The following COL5A2 variants were observed in gnomAD, a reference collection of about 807,000 sequenced individuals.
The protein encoded by COL5A2 is collagen alpha-2(V) chain.
A neutral mutation model predicts 208.2 loss-of-function variants in COL5A2; 23 were observed. The observed-to-expected ratio is 0.11, with a 90% CI of 0.08 to 0.16. The LOEUF (loss-of-function observed/expected upper bound fraction) is 0.16. Ranked by LOEUF, COL5A2 falls within the 10% of genes least tolerant of loss-of-function variation. The probability of loss-of-function intolerance (pLI) is 1.00; values close to 1 mark genes in which losing one functional copy is unlikely to be tolerated. For synonymous variants in COL5A2, 625 were observed against 628.5 expected (o/e 0.99, Z 0.08); for missense variants, 1,590 against 1,956.4 (o/e 0.81, Z 3.53).
chr2:189,036,306 G>A (rs1685442729), intron 52 of COL5A2, among the ~76,000 whole-genome samples: 1 of 152,042 alleles, frequency 6.6e-6, no homozygotes, highest in African/African-American at 2.4e-5. Context: ...TGGCACTATA[G>A]TTTATCACTT....
chr2:189,294,057 C>T, the COL5A2 span, among the ~76,000 whole-genome samples: 109 of 148,244 alleles, frequency 7.4e-4, no homozygotes, highest in African/African-American at 2.6e-3. Context: ...CACTGCACTC[C>T]AGCCTGGGCG....
At chr2:189,300,655 G>A in the COL5A2 span, among the ~76,000 whole-genome samples, 1 of 152,234 alleles carries the variant, frequency 6.6e-6, no homozygotes, top group Non-Finnish European at 1.5e-5. Flanking sequence ...AAGACTGGGT[G>A]TGTCTGAGAA....
the COL5A2 span, among the ~76,000 whole-genome samples, chr2:189,264,033 A>T: frequency 1.3e-5 from 2 of 152,172 alleles, no homozygotes; most frequent in African/African-American, 2.4e-5. Context: ...ATGTTCTCTG[A>T]CTATAAAGAA....
At chr2:189,195,956 G>C (rs1688996162) in intron 1 of COL5A2, among the ~76,000 whole-genome samples, 1 of 152,110 alleles carries the variant, frequency 6.6e-6, no homozygotes, top group African/African-American at 2.4e-5. Flanking sequence ...ATTGACAAAT[G>C]GTATCTAATT....
At chr2:189,318,449 T>C in the COL5A2 span, among the ~76,000 whole-genome samples, 2 of 152,228 alleles carry the variant, frequency 1.3e-5, no homozygotes, top group South Asian at 2.1e-4. Flanking sequence ...CTTATTCTTC[T>C]AGTTATTTGG....
In COL5A2 at chr2:189,206,392, AGAGG is replaced by A. The variant is rs566834556; in HGVS notation, c.-42+18752_-42+18755del. Among the ~76,000 whole-genome samples the A allele has an allele frequency of 1.4e-3, 213 of 152,356 alleles. 1 individual carries two copies. The highest frequency in any genetic ancestry group is 4.6e-3 in the African/African-American group (193 of 41,582). On this transcript the variant is annotated intron_variant, in intron 1 of 10. Transcript: ENST00000649966. Reference sequence around the variant, plus strand: ...CTAAGGGCCTACACTCAGCTTGAACAGAGGGCACATATGCTTTCATGCTACATGT... The same window carrying A: ...CTAAGGGCCTACACTCAGCTTGAACAGCACATATGCTTTCATGCTACATGT...
the COL5A2 span, among the ~76,000 whole-genome samples, chr2:189,349,822 A>G: frequency 6.6e-6 from 1 of 152,190 alleles, no homozygotes; most frequent in South Asian, 2.1e-4. Flanking sequence ...TTGACTAGTT[A>G]CAAAATTACA....
rs114894611 is a variant in COL5A2 at position 189,077,534 on chromosome 2, C to T, written c.1059+982G>A. Among the ~76,000 whole-genome samples, 1,078 of 152,254 alleles carry T rather than the reference C, an allele frequency of 7.1e-3. 13 individuals carry two copies. Among genetic ancestry groups the T allele is most frequent in the African/African-American group, 0.024 (995 of 41,566 alleles). On this transcript the variant is annotated intron_variant, in intron 16 of 53. Transcript: ENST00000374866. Reference sequence around the variant, plus strand: ...CCAATGCTGGGGCAGAAATGTCAGACCTCCCTTGGCAGACAGTAGAAGAAA... The same window carrying T: ...CCAATGCTGGGGCAGAAATGTCAGATCTCCCTTGGCAGACAGTAGAAGAAA...
the COL5A2 span, among the ~76,000 whole-genome samples, chr2:189,291,562 A>G: frequency 7.7e-4 from 117 of 152,220 alleles, no homozygotes; most frequent in African/African-American, 2.8e-3. Flanking sequence ...TTTTTTACAT[A>G]AATTTTATCA....
intron 7 of COL5A2, 62 bp from the exon 8 acceptor site, chr2:189,088,834 A>G: frequency 8.4e-7 from 1 of 1,188,918 alleles, no homozygotes; most frequent in East Asian, 2.3e-5. Flanking sequence ...CGTCCTTTTC[A>G]TATGGATAAA....
Position 189,056,759 on chromosome 2 carries a change from C to T in COL5A2, c.2391+214G>A, listed in dbSNP as rs1168078938. 14 of 606,738 alleles carry T rather than the reference C, an allele frequency of 2.3e-5. No homozygotes were observed. The East Asian group carries it at 3.9e-4, about 17-fold the overall frequency. The allele number at this position is 606,738 out of a possible 1,614,324, so 37.6% of individuals were successfully genotyped here. ...CCTTAAGGCACTTATCTCATAGGCACAATAAATATGTTTTTATTTAAGTTT... is the reference window on the plus strand; with the variant it reads ...CCTTAAGGCACTTATCTCATAGGCATAATAAATATGTTTTTATTTAAGTTT... On this transcript the variant is annotated intron_variant, in intron 35 of 53. Transcript: ENST00000374866.
chr2:189,098,720 T>G lies in COL5A2; in HGVS notation c.402+7A>C, dbSNP rs1426075786. The G allele has an allele frequency of 6.2e-7, 1 of 1,609,990 alleles. No homozygotes were observed. Among genetic ancestry groups the G allele is most frequent in the Non-Finnish European group, 8.5e-7 (1 of 1,176,482 alleles). On this transcript the variant is annotated splice_region_variant and intron_variant, in intron 5 of 53. Coordinates refer to ENST00000374866, the MANE Select transcript of COL5A2 (RefSeq NM_000393.5). ...GAGTACCAAGAATATTGGGAGAAAC[T>G]ACTTACTGCCGGTCCTGGACGACCA...
At chr2:189,374,375 C>T in the COL5A2 span, among the ~76,000 whole-genome samples, 1 of 151,286 alleles carries the variant, frequency 6.6e-6, no homozygotes, top group Admixed American at 6.6e-5. Context: ...CCCAATTTTA[C>T]CCTTTTGTTA....
intron 1 of COL5A2, among the ~76,000 whole-genome samples, chr2:189,191,994 G>C (rs1314883517): frequency 6.6e-6 from 1 of 152,006 alleles, no homozygotes; most frequent in Non-Finnish European, 1.5e-5. Flanking sequence ...AAGAAATGTG[G>C]ATGAATCAGT....
chr2:189,052,506 A>G (rs1685811504), intron 40 of COL5A2, among the ~76,000 whole-genome samples: 1 of 152,146 alleles, frequency 6.6e-6, no homozygotes, highest in African/African-American at 2.4e-5. Flanking sequence ...TTGTTTATTT[A>G]CTCTTTTATA....
chr2:189,059,542 T>C (rs866416325), intron 31 of COL5A2, among the ~76,000 whole-genome samples: 3 of 148,170 alleles, frequency 2.0e-5, no homozygotes, highest in Admixed American at 6.7e-5. Flanking sequence ...CCTAATCTTA[T>C]CATATTACTC....
the COL5A2 span, among the ~76,000 whole-genome samples, chr2:189,251,935 T>C: frequency 1.3e-5 from 2 of 151,942 alleles, no homozygotes; most frequent in African/African-American, 4.8e-5. Flanking sequence ...AACAACCCCA[T>C]CAACAAGTGG....
chr2:189,100,955 T>A (rs1427937933), intron 3 of COL5A2, among the ~76,000 whole-genome samples: 1 of 152,058 alleles, frequency 6.6e-6, no homozygotes, highest in African/African-American at 2.4e-5. Context: ...GGATGAATTG[T>A]AGCTTTATCT....
rs1553517323 is a variant in COL5A2 at position 189,085,204 on chromosome 2, C to A, written c.754G>T (p.Gly252Cys). The A allele has an allele frequency of 6.2e-7, 1 of 1,610,896 alleles. No homozygotes were observed. The highest frequency in any genetic ancestry group is 1.1e-5 in the South Asian group (1 of 90,450). ...GGAGGGCCCTCTGGTCCACGTGAAC[C>A]AATCGGACCCTAATAACAGAACAAA... Reference protein sequence around the residue: ...PGDPGPMGPIGSRGPEGPPGK... With the variant: ...PGDPGPMGPICSRGPEGPPGK... The change falls in exon 11 of 54, where the codon GGT becomes TGT. Residue 252 changes from glycine (G) to cysteine (C), a missense_variant. Gly to Cys is a radical substitution (Grantham distance 159, BLOSUM62 -3). Coordinates refer to ENST00000374866, the MANE Select transcript of COL5A2 (RefSeq NM_000393.5).
Sources: gnomAD v4.1 joint callset for allele counts (sites outside exome capture counted in the v4.1 genomes callset) on GRCh38, gnomAD v4.1.1 for gene constraint, MANE v1.5 for transcripts, NCBI Gene and HGNC (gene_info 2026-07-23, HGNC 2026-07-21) for gene names.